The following EHHADH variants were observed in gnomAD, a reference collection of about 807,000 sequenced individuals.
EHHADH encodes the protein enoyl-CoA hydratase and 3-hydroxyacyl CoA dehydrogenase.
In EHHADH, 48 loss-of-function variants were observed where a neutral mutation model predicts 64.4. The ratio of observed to expected loss-of-function variants is 0.75; its 90% CI spans 0.59 to 0.95. The LOEUF is 0.95. Among genes scored for constraint, EHHADH ranks in the 40% least tolerant of loss-of-function variants. EHHADH has a pLI of 0.00. For synonymous variants in EHHADH, 308 were observed against 326.7 expected (o/e 0.94, Z 0.62); for missense variants, 854 against 876.6 (o/e 0.97, Z 0.33).
At chr3:185,204,002 T>C (rs1718301470) in intron 6 of EHHADH, among the ~76,000 whole-genome samples, 1 of 151,660 alleles carries the variant, frequency 6.6e-6, no homozygotes, top group Non-Finnish European at 1.5e-5. Flanking sequence ...TATCTGGGCA[T>C]GGTGGCAGTA....
At chr3:185,204,369 T>C (rs1718319512) in intron 6 of EHHADH, 47 bp downstream of exon 6, 2 of 1,507,256 alleles carry the variant, frequency 1.3e-6, no homozygotes, top group South Asian at 1.2e-5. Flanking sequence ...GGTAGCACAT[T>C]ACATGAGCAG....
At chr3:185,245,558 A>G in intron 2 of EHHADH, 2 of 896,342 alleles carry the variant, frequency 2.2e-6, no homozygotes, top group Non-Finnish European at 3.6e-6. Flanking sequence ...CAAGTTTCAC[A>G]CTGTAGGAAA....
intron 2 of EHHADH, chr3:185,245,774 A>T: frequency 1.4e-6 from 1 of 713,502 alleles, no homozygotes; most frequent in South Asian, 1.6e-5. Context: ...TAGTTTACAG[A>T]TATCTGTAAA....
rs371053249 is a variant in EHHADH at position 185,193,518 on chromosome 3, T to C, written c.911-31A>G. 492 of 1,607,952 alleles carry C rather than the reference T, an allele frequency of 3.1e-4. 1 individual carries two copies. The highest frequency in any genetic ancestry group is 3.9e-4 in the Non-Finnish European group (464 of 1,177,934). On this transcript the variant is annotated intron_variant, in intron 6 of 6. Transcript: ENST00000231887. ...GATAAAAATCAAAGGAGAAAAAGAA[T>C]GATTCAGTGGTATTGGGAACTGATA...
intron 2 of EHHADH, among the ~76,000 whole-genome samples, chr3:185,244,380 T>C (rs1255147012): frequency 1.3e-5 from 2 of 152,236 alleles, no homozygotes; most frequent in Non-Finnish European, 2.9e-5. Context: ...TCCGTCATAA[T>C]ATTGTTACCT....
Position 185,232,947 on chromosome 3 carries a change from G to T in EHHADH, c.351+2343C>A, listed in dbSNP as rs531076633. ...TTCCAGATAAAGAAAAACTGATTTT[G>T]TTGTTAGTATATTTGCCCTATAAGA... On this transcript the variant is annotated intron_variant, in intron 3 of 6. Coordinates refer to ENST00000231887, the MANE Select transcript of EHHADH (RefSeq NM_001966.4). Among the ~76,000 whole-genome samples the T allele has an allele frequency of 2.7e-4, 41 of 152,282 alleles. 1 individual carries two copies. In the South Asian group the frequency reaches 8.3e-3, roughly 31 times the overall value.
At chr3:185,217,077 T>C (rs1718700219) in intron 5 of EHHADH, among the ~76,000 whole-genome samples, 1 of 152,140 alleles carries the variant, frequency 6.6e-6, no homozygotes, top group African/African-American at 2.4e-5. Flanking sequence ...GCCTGTGATA[T>C]GGTTTAGATG....
chr3:185,234,739 G>A (rs1372618645), intron 3 of EHHADH, among the ~76,000 whole-genome samples: 1 of 152,184 alleles, frequency 6.6e-6, no homozygotes, highest in Non-Finnish European at 1.5e-5. Flanking sequence ...CTAGGGCTAA[G>A]GTTAAGGGAA....
At chr3:185,243,512 T>G (rs1490149615) in intron 2 of EHHADH, among the ~76,000 whole-genome samples, 1 of 152,200 alleles carries the variant, frequency 6.6e-6, no homozygotes, top group East Asian at 1.9e-4. Flanking sequence ...TTCTAGTTCC[T>G]TGAGGTGCAA....
rs1001762073 is a variant in EHHADH, at chr3:185,204,433, G to A, written c.893C>T (p.Ser298Phe). 6.2e-7 allele frequency: 1 copy of A among 1,606,812 alleles called. No homozygotes were observed. The highest frequency in any genetic ancestry group is 1.1e-5 in the South Asian group (1 of 90,540). ...SWKTASARPV[S>F]SVGVVGLGTM... ...GGTCTTACCAACAACACCAACTGAG[G>A]AGACAGGCCGCGCTGATGCTGTTTT... The change falls in exon 6 of 7, where the codon TCC (serine) becomes TTC (phenylalanine). Residue 298 changes from serine to phenylalanine, a missense_variant. Transcript: ENST00000231887.
intron 1 of EHHADH, among the ~76,000 whole-genome samples, chr3:185,250,857 A>G (rs1315871634): frequency 6.6e-6 from 1 of 152,248 alleles, no homozygotes; most frequent in Non-Finnish European, 1.5e-5. Context: ...TCCAAAAGGC[A>G]CACATTTCCT....
chr3:185,253,704 T>TTAAAAAA, intron 1 of EHHADH: 1 of 866,656 alleles, frequency 1.2e-6, no homozygotes, highest in Non-Finnish European at 1.6e-6. Flanking sequence ...CTCAGTTTCC[T>TTAAAAAA]TATCAGTAAA....
chr3:185,230,517 C>T (rs893395652), intron 3 of EHHADH, among the ~76,000 whole-genome samples: 2 of 152,124 alleles, frequency 1.3e-5, no homozygotes, highest in Non-Finnish European at 2.9e-5. Context: ...CATGCTACAA[C>T]GTGGATGAAC....
chr3:185,228,257 A>AAAAAACATATAT (rs1367786172), intron 4 of EHHADH, among the ~76,000 whole-genome samples: 1 of 21,994 alleles, frequency 4.5e-5, no homozygotes, highest in Non-Finnish European at 1.1e-4. Flanking sequence ...AAAAAAAAAA[A>AAAAAACATATAT]ATATATATAT....
intron 2 of EHHADH, among the ~76,000 whole-genome samples, chr3:185,238,236 T>C (rs1001919570): frequency 6.6e-6 from 1 of 152,174 alleles, no homozygotes; most frequent in African/African-American, 2.4e-5. Context: ...ACAGGTATCT[T>C]TTGATATAAT....
At chr3:185,244,899 G>A (rs1329469338) in intron 2 of EHHADH, among the ~76,000 whole-genome samples, 1 of 152,126 alleles carries the variant, frequency 6.6e-6, no homozygotes, top group Non-Finnish European at 1.5e-5. Flanking sequence ...AATTTGTTAT[G>A]GTGCTCTAAG....
chr3:185,249,215 G>C (rs1289648010), intron 1 of EHHADH, among the ~76,000 whole-genome samples: 2 of 151,900 alleles, frequency 1.3e-5, no homozygotes, highest in African/African-American at 2.4e-5. Context: ...TGCAAGCTCT[G>C]CCTCCCGGGT....
At chr3:185,238,505 G>A (rs1719360059) in intron 2 of EHHADH, among the ~76,000 whole-genome samples, 2 of 152,118 alleles carry the variant, frequency 1.3e-5, no homozygotes, top group African/African-American at 2.4e-5. Context: ...CTGATGATTA[G>A]TGATGTTGAG....
chr3:185,217,642 G>A (rs1454385975), intron 5 of EHHADH, among the ~76,000 whole-genome samples: 1 of 151,552 alleles, frequency 6.6e-6, no homozygotes, highest in African/African-American at 2.4e-5. Context: ...GTTCAACCAC[G>A]GGTAAAAGCT....
Sources: gnomAD v4.1 joint callset for allele counts (sites outside exome capture counted in the v4.1 genomes callset) on GRCh38, gnomAD v4.1.1 for gene constraint, MANE v1.5 for transcripts, NCBI Gene and HGNC (gene_info 2026-07-23, HGNC 2026-07-21) for gene names.